UXS1: variants seen among roughly 807,000 people sequenced by gnomAD.
UXS1 encodes UDP-glucuronate decarboxylase 1.
UXS1 carries 33 observed loss-of-function variants against 62.6 expected under a neutral mutation model. That is an observed-to-expected ratio of 0.53 (90% CI 0.40 to 0.70). The LOEUF is 0.70. UXS1 is among the 30% of genes least tolerant of loss of function. The pLI, the probability that UXS1 is intolerant of heterozygous loss-of-function variation, is 0.00. For missense variants in UXS1, 434 were observed against 556.3 expected (o/e 0.78, Z 2.21); for synonymous variants, 213 against 206.8 (o/e 1.03, Z -0.26).
chr2:106,141,129 C>A (rs149319511), intron 6 of UXS1, among the ~76,000 whole-genome samples: 2,125 of 152,256 alleles, frequency 0.014, 34 homozygotes, highest in Non-Finnish European at 0.019. Context: ...GACTTGCTAA[C>A]AAGTAATGCT....
At chr2:106,101,037 T>C in intron 12 of UXS1, 21 bp downstream of exon 12, 1 of 1,613,368 alleles carries the variant, frequency 6.2e-7, no homozygotes, top group Non-Finnish European at 8.5e-7. Flanking sequence ...TCCTGCAGAG[T>C]GGAGGGAGAG....
chr2:106,094,973 A>G (rs1249499274), intron 14 of UXS1, among the ~76,000 whole-genome samples: 1 of 152,236 alleles, frequency 6.6e-6, no homozygotes. Context: ...TTAAACACAC[A>G]CACTTGGGAC....
At chr2:106,153,868 T>C (rs763181658) in intron 5 of UXS1, among the ~76,000 whole-genome samples, 26 of 152,128 alleles carry the variant, frequency 1.7e-4, no homozygotes, top group Admixed American at 8.5e-4. Flanking sequence ...AAGAAGTACA[T>C]AGATAATAAA....
chr2:106,139,286 A>C (rs1190825725), intron 6 of UXS1, among the ~76,000 whole-genome samples: 1 of 152,174 alleles, frequency 6.6e-6, no homozygotes, highest in East Asian at 1.9e-4. Flanking sequence ...CTCAGCTAGA[A>C]AAATAGAAGT....
chr2:106,107,544 G>C (rs1231551322), intron 10 of UXS1, among the ~76,000 whole-genome samples: 2 of 152,178 alleles, frequency 1.3e-5, no homozygotes, highest in Non-Finnish European at 2.9e-5. Flanking sequence ...AGGCTGCCAG[G>C]GTCAGGATGT....
chr2:106,143,994 A>C (rs1340253617), intron 6 of UXS1, among the ~76,000 whole-genome samples: 1 of 152,240 alleles, frequency 6.6e-6, no homozygotes, highest in Non-Finnish European at 1.5e-5. Context: ...TTTTAAAGCC[A>C]GCTGGTTCAT....
chr2:106,097,220 G>C (rs1192270797), intron 13 of UXS1: 1 of 458,780 alleles, frequency 2.2e-6, no homozygotes, highest in African/African-American at 2.0e-5. Context: ...CCATCCCTGA[G>C]GTGGATGCCC....
chr2:106,124,866 T>TA (rs918062527), intron 8 of UXS1, among the ~76,000 whole-genome samples: 14 of 152,124 alleles, frequency 9.2e-5, no homozygotes, highest in Admixed American at 5.2e-4. Context: ...TTTCCTTAAT[T>TA]AAAAAAAAGT....
chr2:106,145,787 A>C (rs934892134), intron 5 of UXS1, among the ~76,000 whole-genome samples: 1 of 152,236 alleles, frequency 6.6e-6, no homozygotes, highest in Non-Finnish European at 1.5e-5. Context: ...CAAAATGCAG[A>C]GATTTGGTGA....
chr2:106,160,628 G>A (rs1037734573), intron 4 of UXS1: 1 of 152,206 alleles, frequency 6.6e-6, no homozygotes, highest in Admixed American at 6.5e-5. Flanking sequence ...GCTTAGAATA[G>A]TCCCTATCTG....
intron 1 of UXS1, among the ~76,000 whole-genome samples, chr2:106,169,963 A>C (rs1331358273): frequency 6.6e-6 from 1 of 152,158 alleles, no homozygotes; most frequent in East Asian, 1.9e-4. Context: ...AATGGATGTA[A>C]GCAGATATGG....
chr2:106,172,351 G>T (rs1452567900), intron 1 of UXS1, among the ~76,000 whole-genome samples: 14 of 152,338 alleles, frequency 9.2e-5, no homozygotes, highest in African/African-American at 3.4e-4. Flanking sequence ...TAGGCCTCTA[G>T]ACGGAACCAT....
intron 8 of UXS1, among the ~76,000 whole-genome samples, chr2:106,125,168 C>T (rs1435899110): frequency 6.6e-6 from 1 of 152,120 alleles, no homozygotes; most frequent in Non-Finnish European, 1.5e-5. Context: ...TTCCAGAACT[C>T]GTTATACAAC....
At position 106,151,633 on chromosome 2, in the gene UXS1, AAACT is replaced by A. The variant is rs1407981794; in HGVS notation, c.292-6267_292-6264del. On this transcript the variant is annotated intron_variant, in intron 5 of 14. Coordinates refer to ENST00000283148, the MANE Select transcript of UXS1 (RefSeq NM_001253875.2). ...GTAATCTGTTACAGCGGCACAAAACAAACTAAGAAAAGTAGACTATCAGATTTGT... is the reference window on the plus strand; with the variant it reads ...GTAATCTGTTACAGCGGCACAAAACAAAGAAAAGTAGACTATCAGATTTGT... Among the ~76,000 whole-genome samples the A allele has an allele frequency of 7.2e-5, 11 of 152,322 alleles. No individual in the cohort carries two copies. The East Asian group carries it at 2.1e-3, about 29-fold the overall frequency.
intron 10 of UXS1, among the ~76,000 whole-genome samples, chr2:106,106,109 A>G (rs981903725): frequency 6.6e-6 from 1 of 152,182 alleles, no homozygotes; most frequent in East Asian, 1.9e-4. Flanking sequence ...TCAAGCCTGT[A>G]ATCCCAGCAC....
rs1178877116 is a variant in UXS1, at chr2:106,138,488, AC to A, written c.472+6701del. 3.0e-6 allele frequency: 3 copies of A among 985,070 alleles called. No homozygotes were observed. In the African/African-American group the frequency reaches 5.3e-5, roughly 17 times the overall value. 61.0% of individuals were successfully genotyped at this position (985,070 alleles called of 1,614,324 possible). A position where few individuals can be genotyped will look rare whatever the true frequency, so the allele number is the denominator to read the frequency against. Reference sequence around the variant, plus strand: ...GACTCCTGAGCCCACTGCAGGTCTCACCCTTCAGGATTTCCAGGCGGGCCTG... The same window carrying A: ...GACTCCTGAGCCCACTGCAGGTCTCACCTTCAGGATTTCCAGGCGGGCCTG... On this transcript the variant is annotated intron_variant, in intron 6 of 14. Coordinates refer to ENST00000283148, the MANE Select transcript of UXS1 (RefSeq NM_001253875.2).
At chr2:106,117,811 G>A (rs73951225) in intron 9 of UXS1, among the ~76,000 whole-genome samples, 134 of 152,366 alleles carry the variant, frequency 8.8e-4, no homozygotes, top group African/African-American at 3.1e-3. Flanking sequence ...ACATCTCGAT[G>A]GGTTCTGCTC....
At chr2:106,160,777 A>G (rs965120069) in intron 4 of UXS1, among the ~76,000 whole-genome samples, 4 of 152,232 alleles carry the variant, frequency 2.6e-5, no homozygotes, top group African/African-American at 9.6e-5. Context: ...CGGGCATAAG[A>G]TGGACTAAAA....
chr2:106,174,089 T>TGG (rs1236407966), intron 1 of UXS1, among the ~76,000 whole-genome samples: 10 of 4,180 alleles, frequency 2.4e-3, no homozygotes, highest in African/African-American at 0.013. Context: ...GGAAGAGGAT[T>TGG]GGGGGGGGCG....
Sources: allele counts gnomAD v4.1 joint callset (sites outside exome capture counted in the v4.1 genomes callset), GRCh38; gene constraint gnomAD v4.1.1; transcripts MANE v1.5; gene names NCBI Gene and HGNC (gene_info 2026-07-23, HGNC 2026-07-21).